Variants in COL4A4 observed in about 807,000 individuals in gnomAD.
COL4A4 encodes the protein collagen type IV alpha 4 chain.
COL4A4 carries 105 observed loss-of-function variants against 192.9 expected under a neutral mutation model. The observed-to-expected ratio is 0.54, with a 90% confidence interval of 0.46 to 0.64. The LOEUF is 0.64. Ranked by LOEUF, COL4A4 falls within the 30% of genes least tolerant of loss-of-function variation. The pLI is 0.00. For missense variants in COL4A4, 1,967 were observed against 2,169.3 expected, an observed-to-expected ratio of 0.91 and a Z score of 1.85; for synonymous variants, 762 against 769.9, an observed-to-expected ratio of 0.99 and a Z score of 0.17.
chr2:227,122,580 C>A (rs1044068650), intron 4 of COL4A4, among the ~76,000 whole-genome samples: 1 of 152,126 alleles, frequency 6.6e-6, no homozygotes, highest in African/African-American at 2.4e-5. Flanking sequence ...TGGAGTCACC[C>A]GAAATCAGCA....
At chr2:227,000,892 C>T (rs1177541190), downstream of COL4A4, among the ~76,000 whole-genome samples, 3 of 152,102 alleles carry the variant, frequency 2.0e-5, no homozygotes, top group African/African-American at 7.2e-5. Context: ...AGCTTCCCTG[C>T]ACAAGCTCTC....
intron 24 of COL4A4, among the ~76,000 whole-genome samples, chr2:227,079,528 C>T: frequency 6.6e-6 from 1 of 152,184 alleles, no homozygotes; most frequent in East Asian, 1.9e-4. Context: ...CTCTTGTTCA[C>T]TTGGATTCTG....
At position 227,111,571 on chromosome 2, in the gene COL4A4, C is replaced by G. The variant is rs904835481; in HGVS notation, c.594+107G>C. ...AGGGAACCCACATTTTCATTTTGCA[C>G]TAGGTGAGCCGCACAAATTATGTAG... On this transcript the variant is annotated intron_variant, in intron 9 of 47. Transcript: ENST00000396625. 3.3e-6 allele frequency: 4 copies of G among 1,207,976 alleles called. No individual in the cohort carries two copies. In the Admixed American group the frequency reaches 6.8e-5, roughly 21 times the overall value. 74.8% of individuals were successfully genotyped at this position (1,207,976 alleles called of 1,614,324 possible). A position where few individuals can be genotyped will look rare whatever the true frequency, so the allele number is the denominator to read the frequency against.
chr2:227,072,587 A>G (rs1467129147), intron 25 of COL4A4, among the ~76,000 whole-genome samples: 2 of 151,942 alleles, frequency 1.3e-5, no homozygotes, highest in African/African-American at 4.8e-5. Context: ...CAACACAGGA[A>G]AAGATACACA....
At chr2:227,107,909 CACCACGCCCAGCTAATTTT>C (rs1166514434) in intron 12 of COL4A4, among the ~76,000 whole-genome samples, 1 of 151,968 alleles carries the variant, frequency 6.6e-6, no homozygotes, top group Admixed American at 6.6e-5. Context: ...AGGCACGCAC[CACCACGCCCAGCTAATTTT>C]TGTATTTTTA....
chr2:227,066,471 G>C (rs1298749646), intron 25 of COL4A4, among the ~76,000 whole-genome samples: 3 of 152,258 alleles, frequency 2.0e-5, no homozygotes, highest in South Asian at 4.1e-4. Flanking sequence ...AGAGAGAAAG[G>C]TCGGGTTACC....
intron 25 of COL4A4, among the ~76,000 whole-genome samples, chr2:227,070,214 A>T (rs1463674518): frequency 6.6e-6 from 1 of 151,958 alleles, no homozygotes; most frequent in African/African-American, 2.4e-5. Context: ...AAAAGTCAGG[A>T]AACAACAAGT....
rs2063108823 is a variant in COL4A4, at chr2:227,140,258, A to G, written c.115-20T>C. The G allele has an allele frequency of 6.2e-7, 1 of 1,603,278 alleles. No individual in the cohort carries two copies. The highest frequency in any genetic ancestry group is 1.1e-5 in the South Asian group (1 of 90,852). The stretch of plus-strand genomic sequence containing the variant: ...TCCACTCTGGAAAGTGAAGCATCTT[A>G]TTTAGTATACCAGTACTCATCGTTT... On this transcript the variant is annotated intron_variant, in intron 3 of 47. Transcript: ENST00000396625.
intron 44 of COL4A4, among the ~76,000 whole-genome samples, chr2:227,019,730 C>T (rs1205071072): frequency 4.6e-5 from 7 of 152,204 alleles, no homozygotes; most frequent in South Asian, 2.1e-4. Context: ...TGCAGTGGTG[C>T]GATCTCAGCT....
chr2:227,043,507 A>C (rs1361373379), intron 35 of COL4A4, among the ~76,000 whole-genome samples: 2 of 152,186 alleles, frequency 1.3e-5, no homozygotes, highest in Non-Finnish European at 2.9e-5. Context: ...ATGAATGGCC[A>C]GTAGCTTTTT....
At chr2:227,041,880 AAGAAAG>A (rs1971446803) in intron 37 of COL4A4, among the ~76,000 whole-genome samples, 1 of 144,342 alleles carries the variant, frequency 6.9e-6, no homozygotes, top group African/African-American at 2.7e-5. Flanking sequence ...GAAAGAAAGA[AAGAAAG>A]AAAGAAAGAA....
intron 4 of COL4A4, among the ~76,000 whole-genome samples, chr2:227,121,980 G>A (rs148010680): frequency 1.3e-5 from 2 of 152,270 alleles, no homozygotes; most frequent in African/African-American, 4.8e-5. Flanking sequence ...CTGCCCTTTC[G>A]AAGGACAACA....
intron 26 of COL4A4, 43 bp downstream of exon 26, chr2:227,062,486 TA>T: frequency 8.6e-7 from 1 of 1,158,436 alleles, no homozygotes; most frequent in Non-Finnish European, 1.3e-6. Flanking sequence ...TTTTTTTTTT[TA>T]CTCTGGGAAG....
intron 1 of COL4A4, among the ~76,000 whole-genome samples, chr2:227,158,122 A>C (rs751332718): frequency 1.3e-4 from 20 of 152,178 alleles, no homozygotes; most frequent in Non-Finnish European, 2.2e-4. Context: ...CTAAAAAACT[A>C]GTCATAAGAA....
chr2:227,129,777 T>A (rs13022814), intron 4 of COL4A4, among the ~76,000 whole-genome samples: 1 of 152,214 alleles, frequency 6.6e-6, no homozygotes, highest in African/African-American at 2.4e-5. Flanking sequence ...TTGACCACTG[T>A]CTTGCACAGT....
rs904632532 is a variant in COL4A4, at chr2:227,088,573, T to C, written c.1623+80A>G. On this transcript the variant is annotated intron_variant, in intron 22 of 47. Coordinates refer to ENST00000396625, the MANE Select transcript of COL4A4 (RefSeq NM_000092.5). ...CCTTAATAAATTACCTAGTCTTGGG[T>C]AGTATCTTTATGGTAGTGTGAAAAC... 5.2e-6 allele frequency: 8 copies of C among 1,532,914 alleles called. No homozygotes were observed. The African/African-American group carries it at 9.6e-5, about 18-fold the overall frequency. 95.0% of individuals were successfully genotyped at this position (1,532,914 alleles called of 1,614,324 possible). A position where few individuals can be genotyped will look rare whatever the true frequency, so the allele number is the denominator to read the frequency against.
At chr2:227,067,786 C>T (rs1008502403) in intron 25 of COL4A4, among the ~76,000 whole-genome samples, 3 of 151,250 alleles carry the variant, frequency 2.0e-5, no homozygotes, top group Admixed American at 6.6e-5. Flanking sequence ...AAATTGACAC[C>T]CTAACATCAC....
chr2:227,092,397 G>C (rs1362428199), intron 20 of COL4A4, among the ~76,000 whole-genome samples: 3 of 152,120 alleles, frequency 2.0e-5, no homozygotes, highest in Non-Finnish European at 4.4e-5. Flanking sequence ...CAGAGAAAGA[G>C]AGAGGATGGA....
chr2:227,104,709 C>T (rs1182218641), intron 12 of COL4A4, among the ~76,000 whole-genome samples: 2 of 143,656 alleles, frequency 1.4e-5, no homozygotes, highest in Non-Finnish European at 3.0e-5. Context: ...GACGCGATCT[C>T]GGCTCACAGC....
Sources: gnomAD v4.1 joint callset for allele counts (sites outside exome capture counted in the v4.1 genomes callset) on GRCh38, gnomAD v4.1.1 for gene constraint, MANE v1.5 for transcripts, NCBI Gene and HGNC (gene_info 2026-07-23, HGNC 2026-07-21) for gene names.